Variants in NARS2 observed in about 807,000 individuals in gnomAD.
The protein encoded by NARS2 is asparaginyl-tRNA synthetase 2, mitochondrial, also known as asparaginyl-tRNA synthetase.
A neutral mutation model predicts 62.9 loss-of-function variants in NARS2; 60 were observed. That is an observed-to-expected ratio of 0.95 (90% CI 0.77 to 1.18). The LOEUF (loss-of-function observed/expected upper bound fraction) is 1.18. Among genes scored for constraint, NARS2 ranks in the 50% most tolerant of loss-of-function variants. The probability of loss-of-function intolerance (pLI) is 0.00; values close to 1 mark genes in which losing one functional copy is unlikely to be tolerated. For synonymous variants in NARS2, 196 were observed against 200.0 expected (o/e 0.98, Z 0.17); for missense variants, 619 against 576.4 (o/e 1.07, Z -0.76).
At chr11:78,466,713 T>G (rs1472238370) in intron 10 of NARS2, among the ~76,000 whole-genome samples, 1 of 152,094 alleles carries the variant, frequency 6.6e-6, no homozygotes, top group East Asian at 1.9e-4. Flanking sequence ...GAACTCCTGA[T>G]TTCGTGATCT....
intron 7 of NARS2, among the ~76,000 whole-genome samples, chr11:78,490,211 A>G (rs915716185): frequency 3.9e-5 from 6 of 152,214 alleles, no homozygotes; most frequent in Non-Finnish European, 8.8e-5. Flanking sequence ...TCAGGGAGTA[A>G]CGTCACTGAA....
intron 6 of NARS2, among the ~76,000 whole-genome samples, chr11:78,513,650 C>T (rs780925090): frequency 1.3e-5 from 2 of 151,496 alleles, no homozygotes; most frequent in African/African-American, 4.9e-5. Context: ...TAGTGGTGGG[C>T]GCCTGTAATC....
chr11:78,484,862 C>T (rs1403170773), intron 7 of NARS2, among the ~76,000 whole-genome samples: 1 of 152,166 alleles, frequency 6.6e-6, no homozygotes, highest in Non-Finnish European at 1.5e-5. Flanking sequence ...AAGCATTTGA[C>T]CCAGCAATCC....
At chr11:78,514,747 C>T (rs541225036) in intron 6 of NARS2, among the ~76,000 whole-genome samples, 4 of 152,178 alleles carry the variant, frequency 2.6e-5, no homozygotes, top group Non-Finnish European at 5.9e-5. Flanking sequence ...ATACTAGAAA[C>T]GGGTAGAGAA....
chr11:78,443,671 G>T lies in NARS2; in HGVS notation c.1252C>A (p.Arg418Ser). 8 of 1,610,662 alleles carry T rather than the reference G, an allele frequency of 5.0e-6. No homozygotes were observed. Among genetic ancestry groups the T allele is most frequent in the Non-Finnish European group, 6.8e-6 (8 of 1,177,118 alleles). The change falls in exon 12 of 14, where the codon CGC (arginine) becomes AGC (serine). Residue 418 changes from arginine to serine, a missense_variant. Transcript: ENST00000281038. ...AGGTCTGACCAGTACCTGGCTAAGC[G>T]CTCCTCTAAGAAATGGTATCGTTCT... ...REERYHFLEE[R>S]LARSGLTEVY...
chr11:78,465,210 C>G (rs531793933), intron 11 of NARS2, among the ~76,000 whole-genome samples: 3 of 152,184 alleles, frequency 2.0e-5, no homozygotes, highest in Non-Finnish European at 1.5e-5. Context: ...TGGGGCCCGC[C>G]GAGCCCACAC....
At chr11:78,522,103 C>A (rs1401314199) in intron 6 of NARS2, among the ~76,000 whole-genome samples, 1 of 151,204 alleles carries the variant, frequency 6.6e-6, no homozygotes, top group Non-Finnish European at 1.5e-5. Flanking sequence ...CTGGTATGTG[C>A]CACTACATCC....
At chr11:78,558,276 C>T (rs867761266) in intron 5 of NARS2, 1 of 152,148 alleles carries the variant, frequency 6.6e-6, no homozygotes, top group East Asian at 1.9e-4. Flanking sequence ...TGCTGATCAA[C>T]GTCAAGAATT....
intron 10 of NARS2, among the ~76,000 whole-genome samples, chr11:78,466,434 T>C (rs1370143757): frequency 6.6e-6 from 1 of 152,212 alleles, no homozygotes; most frequent in Non-Finnish European, 1.5e-5. Context: ...TGATAGAAGA[T>C]AATATTCCTA....
chr11:78,457,239 T>C (rs1858198974), intron 11 of NARS2, among the ~76,000 whole-genome samples: 1 of 152,248 alleles, frequency 6.6e-6, no homozygotes, highest in Non-Finnish European at 1.5e-5. Flanking sequence ...ATTTTACTAT[T>C]TATTACCCTC....
intron 1 of NARS2, among the ~76,000 whole-genome samples, chr11:78,572,512 T>C (rs79252470): frequency 0.017 from 2,620 of 152,246 alleles, 77 homozygotes; most frequent in African/African-American, 0.06. Context: ...TTCTGCCCCA[T>C]CCCCAGCTCC....
chr11:78,551,854 A>G (rs1324610712), intron 5 of NARS2, among the ~76,000 whole-genome samples: 1 of 152,064 alleles, frequency 6.6e-6, no homozygotes, highest in Non-Finnish European at 1.5e-5. Flanking sequence ...TTTGTCTCAA[A>G]AAAAAACAAA....
intron 7 of NARS2, among the ~76,000 whole-genome samples, chr11:78,488,313 G>C (rs1357001796): frequency 6.6e-6 from 1 of 152,058 alleles, no homozygotes; most frequent in Non-Finnish European, 1.5e-5. Context: ...ATGTGGGTGG[G>C]ACTAATGTAA....
chr11:78,552,747 G>A (rs976623790), intron 5 of NARS2, among the ~76,000 whole-genome samples: 19 of 152,100 alleles, frequency 1.2e-4, no homozygotes, highest in African/African-American at 4.6e-4. Flanking sequence ...TTCATCTTAC[G>A]TATATGGATT....
At chr11:78,501,978 C>A (rs1389055937) in intron 6 of NARS2, among the ~76,000 whole-genome samples, 1 of 151,986 alleles carries the variant, frequency 6.6e-6, no homozygotes, top group Non-Finnish European at 1.5e-5. Context: ...TATATTCATA[C>A]AATGGAATAA....
intron 6 of NARS2, among the ~76,000 whole-genome samples, chr11:78,518,353 A>C (rs1565253514): frequency 6.6e-6 from 1 of 152,176 alleles, no homozygotes; most frequent in Non-Finnish European, 1.5e-5. Flanking sequence ...GTAGAGGAAA[A>C]TTATAAAAGA....
In NARS2 at chr11:78,571,416, T is replaced by A; in HGVS notation, c.170A>T (p.Lys57Met). Residue 57 changes from lysine (K) to methionine (M), a missense_variant, in exon 2 of 14, where the codon AAG becomes ATG. Lys to Met is a moderately conservative substitution (Grantham distance 95). Coordinates refer to ENST00000281038, the MANE Select transcript of NARS2 (RefSeq NM_024678.6). ...QGWIRSVRSQ[K>M]EVLFLHVNDG... ...ATTTACATGCAGGAACAAGACTTCC[T>A]TCTGGGATCGGACAGAACGAATCCA... is the stretch of plus-strand genomic sequence containing the variant. 1 of 1,613,354 alleles carries A rather than the reference T, an allele frequency of 6.2e-7. No individual in the cohort carries two copies. The highest frequency in any genetic ancestry group is 1.1e-5 in the South Asian group (1 of 90,996).
intron 7 of NARS2, among the ~76,000 whole-genome samples, chr11:78,490,082 C>T (rs1859752079): frequency 1.3e-5 from 2 of 152,076 alleles, no homozygotes; most frequent in Admixed American, 6.6e-5. Flanking sequence ...TCATATAAAA[C>T]CTGCACATAA....
chr11:78,565,287 T>C (rs1214321717), intron 4 of NARS2, among the ~76,000 whole-genome samples: 1 of 152,164 alleles, frequency 6.6e-6, no homozygotes, highest in East Asian at 1.9e-4. Context: ...ACACAAAATA[T>C]AGATCTATGA....
Sources: allele counts gnomAD v4.1 joint callset (sites outside exome capture counted in the v4.1 genomes callset), GRCh38; gene constraint gnomAD v4.1.1; transcripts MANE v1.5; gene names NCBI Gene and HGNC (gene_info 2026-07-23, HGNC 2026-07-21).